The following GABRB1 variants were observed in gnomAD, a reference collection of about 807,000 sequenced individuals.
GABRB1 encodes the protein gamma-aminobutyric acid receptor subunit beta-1.
In GABRB1, 17 loss-of-function variants were observed where a neutral mutation model predicts 51.6. The ratio of observed to expected loss-of-function variants is 0.33; its 90% CI spans 0.23 to 0.49. The LOEUF is 0.49. Ranked by LOEUF, GABRB1 falls within the 20% of genes least tolerant of loss-of-function variation. The probability of loss-of-function intolerance (pLI) is 0.99; values close to 1 mark genes in which losing one functional copy is unlikely to be tolerated. For synonymous variants in GABRB1, 247 were observed against 218.9 expected, an observed-to-expected ratio of 1.13 and a Z score of -1.14; for missense variants, 410 against 600.6, an observed-to-expected ratio of 0.68 and a Z score of 3.32.
At chr4:47,227,719 G>A (rs921905573) in intron 4 of GABRB1, among the ~76,000 whole-genome samples, 8 of 152,122 alleles carry the variant, frequency 5.3e-5, no homozygotes, top group African/African-American at 1.4e-4. Context: ...ATAACAAAGC[G>A]ATAGACTAGG....
intron 8 of GABRB1, among the ~76,000 whole-genome samples, chr4:47,420,953 C>CACAA (rs1178932599): frequency 2.1e-5 from 3 of 146,018 alleles, no homozygotes; most frequent in Non-Finnish European, 4.5e-5. Context: ...AACACACACA[C>CACAA]ACACACACAC....
intron 4 of GABRB1, among the ~76,000 whole-genome samples, chr4:47,243,367 C>T (rs1446800331): frequency 3.9e-5 from 6 of 152,044 alleles, no homozygotes; most frequent in East Asian, 1.9e-4. Context: ...CTTGGTGATG[C>T]GGGCTCTTTT....
chr4:47,244,327 T>A (rs985719544), intron 4 of GABRB1, among the ~76,000 whole-genome samples: 1 of 152,218 alleles, frequency 6.6e-6, no homozygotes. Flanking sequence ...TCATCAGGGA[T>A]ATTGGTCTAA....
intron 5 of GABRB1, among the ~76,000 whole-genome samples, chr4:47,334,720 T>C (rs1212073415): frequency 6.6e-6 from 1 of 152,212 alleles, no homozygotes; most frequent in Admixed American, 6.5e-5. Flanking sequence ...GGTCTGCAAT[T>C]TAATGAGTCA....
At chr4:47,250,605 C>T (rs1206501776) in intron 4 of GABRB1, among the ~76,000 whole-genome samples, 1 of 152,108 alleles carries the variant, frequency 6.6e-6, no homozygotes, top group Non-Finnish European at 1.5e-5. Context: ...TAGGTTTGGT[C>T]ATTTAACATA....
At chr4:47,120,064 T>C (rs1715701116) in intron 3 of GABRB1, among the ~76,000 whole-genome samples, 1 of 152,006 alleles carries the variant, frequency 6.6e-6, no homozygotes, top group Non-Finnish European at 1.5e-5. Flanking sequence ...AACAAAAATA[T>C]TCATGATCTG....
chr4:47,022,321 T>C (rs896328571), intron 1 of GABRB1, among the ~76,000 whole-genome samples: 1 of 152,096 alleles, frequency 6.6e-6, no homozygotes, highest in Non-Finnish European at 1.5e-5. Flanking sequence ...GCCAACACAA[T>C]TGAATGTTAG....
At chr4:47,064,008 C>T (rs971273297) in intron 3 of GABRB1, among the ~76,000 whole-genome samples, 1 of 152,176 alleles carries the variant, frequency 6.6e-6, no homozygotes, top group African/African-American at 2.4e-5. Context: ...TGTAACAAAA[C>T]TGCGCATCCT....
intron 4 of GABRB1, among the ~76,000 whole-genome samples, chr4:47,194,273 C>A (rs1026507294): frequency 1.3e-5 from 2 of 152,212 alleles, no homozygotes; most frequent in South Asian, 2.1e-4. Flanking sequence ...AAATTTGGAA[C>A]GTGTTTCTTT....
chr4:47,146,388 C>T (rs190371356), intron 3 of GABRB1, among the ~76,000 whole-genome samples: 1 of 151,812 alleles, frequency 6.6e-6, no homozygotes, highest in African/African-American at 2.4e-5. Context: ...AAATTTCAGG[C>T]TTAAGTTCCC....
intron 4 of GABRB1, among the ~76,000 whole-genome samples, chr4:47,311,470 A>T (rs145231185): frequency 7.8e-6 from 1 of 128,522 alleles, no homozygotes; most frequent in Non-Finnish European, 1.6e-5. Context: ...AGTGGGCCCA[A>T]TGTAATCACA....
At chr4:47,208,028 A>G (rs556880567) in intron 4 of GABRB1, among the ~76,000 whole-genome samples, 2 of 152,190 alleles carry the variant, frequency 1.3e-5, no homozygotes, top group South Asian at 2.1e-4. Flanking sequence ...TTTTCTGACT[A>G]TACATCAGTG....
At chr4:47,337,454 G>A (rs1263213852) in intron 5 of GABRB1, among the ~76,000 whole-genome samples, 10 of 151,992 alleles carry the variant, frequency 6.6e-5, no homozygotes, top group Admixed American at 1.3e-4. Flanking sequence ...TGCCTCAGTG[G>A]GCATAAAGGA....
At chr4:47,236,774 T>G (rs550476366) in intron 4 of GABRB1, among the ~76,000 whole-genome samples, 1 of 152,220 alleles carries the variant, frequency 6.6e-6, no homozygotes, top group Non-Finnish European at 1.5e-5. Context: ...CACTGTTTGC[T>G]TTCTTGAATG....
intron 5 of GABRB1, among the ~76,000 whole-genome samples, chr4:47,366,125 G>A (rs1018352930): frequency 6.6e-6 from 1 of 152,114 alleles, no homozygotes; most frequent in Middle Eastern, 3.2e-3. Flanking sequence ...ACTCAACATA[G>A]GTTCCCATTT....
intron 5 of GABRB1, among the ~76,000 whole-genome samples, chr4:47,326,112 G>A (rs10440176): frequency 0.61 from 93,419 of 152,032 alleles, 28,813 homozygotes; most frequent in East Asian, 0.7. Context: ...CCTGACTGGG[G>A]CATAAATCAT....
intron 1 of GABRB1, among the ~76,000 whole-genome samples, chr4:47,013,392 T>C (rs959114189): frequency 3.9e-5 from 6 of 152,232 alleles, no homozygotes; most frequent in African/African-American, 1.4e-4. Context: ...ACTCCTGACC[T>C]CAGGTGATCC....
At chr4:47,394,983 T>C (rs7439087) in intron 5 of GABRB1, among the ~76,000 whole-genome samples, 55,973 of 152,044 alleles carry the variant, frequency 0.37, 11,355 homozygotes, top group African/African-American at 0.53. Flanking sequence ...TAGACAGACA[T>C]AGAAGCTGGT....
At chr4:47,119,090 T>A (rs1486222174) in intron 3 of GABRB1, among the ~76,000 whole-genome samples, 2 of 152,092 alleles carry the variant, frequency 1.3e-5, no homozygotes, top group African/African-American at 2.4e-5. Flanking sequence ...GAGATATACA[T>A]AGGAACAAAA....
Sources: gnomAD v4.1 joint callset for allele counts (sites outside exome capture counted in the v4.1 genomes callset) on GRCh38, gnomAD v4.1.1 for gene constraint, MANE v1.5 for transcripts, NCBI Gene and HGNC (gene_info 2026-07-23, HGNC 2026-07-21) for gene names.